Variants in DDX54 observed in about 807,000 individuals in gnomAD.
The protein encoded by DDX54 is DEAD-box helicase 54, also known as ATP-dependent RNA helicase DDX54.
In DDX54, 67 loss-of-function variants were observed where a neutral mutation model predicts 105.5. The observed-to-expected ratio is 0.64, with a 90% CI of 0.52 to 0.78. DDX54 has a LOEUF of 0.78. Ranked by LOEUF, DDX54 falls within the 30% of genes least tolerant of loss-of-function variation. The pLI, the probability that DDX54 is intolerant of heterozygous loss-of-function variation, is 0.00. For missense variants in DDX54, 1,206 were observed against 1,230.5 expected (o/e 0.98, Z 0.30); for synonymous variants, 514 against 509.9 (o/e 1.01, Z -0.11).
At chr12:113,182,720 C>A (rs1952480786) in intron 1 of DDX54, among the ~76,000 whole-genome samples, 1 of 151,760 alleles carries the variant, frequency 6.6e-6, no homozygotes, top group South Asian at 2.1e-4. Flanking sequence ...ACCAGCCCGG[C>A]TAATTTTTGT....
At position 113,185,296 on chromosome 12, in the gene DDX54, A is replaced by C; in HGVS notation, c.156T>G (p.Asp52Glu). ...EDGEFEIQAEDDARARKLGPG... is the reference protein window; with the variant it reads ...EDGEFEIQAEEDARARKLGPG... Reference sequence around the variant, plus strand: ...CGCCTACCTTCCGGGCCCGGGCGTCATCTTCCGCCTGGATCTCAAACTCGC... The same window carrying C: ...CGCCTACCTTCCGGGCCCGGGCGTCCTCTTCCGCCTGGATCTCAAACTCGC... The change falls in exon 1 of 20, where the codon GAT (aspartate) becomes GAG (glutamate). Residue 52 changes from aspartate to glutamate, a missense_variant. This residue lies in a region of DDX54 where 212 missense variants were observed against 155.4 expected (regional missense o/e 1.36). Coordinates refer to ENST00000306014, the MANE Select transcript of DDX54 (RefSeq NM_024072.4). The C allele has an allele frequency of 6.3e-7, 1 of 1,578,774 alleles. No individual in the cohort carries two copies. Among genetic ancestry groups the C allele is most frequent in the Non-Finnish European group, 8.6e-7 (1 of 1,164,898 alleles).
intron 11 of DDX54, among the ~76,000 whole-genome samples, chr12:113,171,011 G>A (rs1186885041): frequency 6.6e-6 from 1 of 152,214 alleles, no homozygotes; most frequent in Non-Finnish European, 1.5e-5. Flanking sequence ...AAAACAAGGT[G>A]TTATGACATT....
Position 113,177,070 on chromosome 12 carries a change from A to T in DDX54, c.638T>A (p.Leu213Gln). The change falls in exon 6 of 20, where the codon CTG (leucine) becomes CAG (glutamine). Residue 213 changes from leucine (L) to glutamine (Q), a missense_variant. Physicochemically the swap from Leu to Gln is moderately radical, Grantham distance 113 (BLOSUM62 -2). This residue lies in a region of DDX54 where 961 missense variants were observed against 1,019.1 expected (regional missense o/e 0.94). Transcript: ENST00000306014. ...GDRMEDQFAA[L>Q]HENPDIIIAT... ...AACTCACATGTCGGGATTTTCGTGC[A>T]GGGCTGCAAACTGGTCTTCCATCCT... is the stretch of plus-strand genomic sequence containing the variant. 1 of 1,614,118 alleles carries T rather than the reference A, an allele frequency of 6.2e-7. No individual in the cohort carries two copies. The highest frequency in any genetic ancestry group is 2.2e-5 in the East Asian group (1 of 44,888).
Position 113,183,873 on chromosome 12 carries a change from G to C in DDX54, c.174+1405C>G, listed in dbSNP as rs569492696. 2.0e-5 allele frequency: 3 copies of C among 150,726 alleles called. No homozygotes were observed. In the Admixed American group the frequency reaches 2.0e-4, roughly 10 times the overall value. The allele number at this position is 150,726 out of a possible 1,614,324, so 9.3% of individuals were successfully genotyped here. ...GTAGCCACAGCTCACTGTACTCTCC[G>C]CCGCCCAGGTTTAAGTGATCCTCCC... On this transcript the variant is annotated intron_variant, in intron 1 of 19. Coordinates refer to ENST00000306014, the MANE Select transcript of DDX54 (RefSeq NM_024072.4).
At position 113,164,125 on chromosome 12, in the gene DDX54, G is replaced by T. The variant is rs1216392416; in HGVS notation, c.1880C>A (p.Ala627Glu). 6.4e-7 allele frequency: 1 copy of T among 1,552,352 alleles called. No homozygotes were observed. ...CTTCTCAGGCTGCTTCTCCTGCAGT[G>T]CTGGGCGGCTCGGGGCTGGGCCCAC... The part of the protein sequence containing the change: ...GPVGPAPSRP[A>E]LQEKQPEKEE... Residue 627 changes from alanine to glutamate, a missense_variant, in exon 15 of 20, where the codon GCA becomes GAA. Physicochemically the swap from Ala to Glu is moderately radical, Grantham distance 107. This residue lies in a region of DDX54 where 961 missense variants were observed against 1,019.1 expected (regional missense o/e 0.94). Coordinates refer to ENST00000306014, the MANE Select transcript of DDX54 (RefSeq NM_024072.4).
chr12:113,178,942 G>T, intron 5 of DDX54, 35 bp downstream of exon 5: 2 of 1,612,258 alleles, frequency 1.2e-6, no homozygotes. Flanking sequence ...GTGCCTGCAT[G>T]GTGGTGACCC....
At chr12:113,159,655 T>C (rs1952181258) in intron 19 of DDX54, among the ~76,000 whole-genome samples, 1 of 151,992 alleles carries the variant, frequency 6.6e-6, no homozygotes, top group South Asian at 2.1e-4. Flanking sequence ...AAAAAGAGTG[T>C]AGATGAACCT....
chr12:113,172,669 C>A, intron 10 of DDX54, 106 bp from the exon 11 acceptor site: 1 of 1,391,616 alleles, frequency 7.2e-7, no homozygotes, highest in Admixed American at 2.0e-5. Context: ...GAGACAAGAC[C>A]ACGGGTTCTG....
At chr12:113,171,599 CAAA>C (rs56809579) in intron 11 of DDX54, among the ~76,000 whole-genome samples, 2 of 102,240 alleles carry the variant, frequency 2.0e-5, no homozygotes, top group Admixed American at 1.0e-4. Context: ...GCAAGACTCT[CAAA>C]AAAAAAAAAA....
chr12:113,185,258 TC>T lies in DDX54; in HGVS notation c.174+19del. The T allele has an allele frequency of 6.5e-7, 1 of 1,528,532 alleles. No homozygotes were observed. The allele number at this position is 1,528,532 out of a possible 1,614,324, so 94.7% of individuals were successfully genotyped here. ...GCCGGGTCTCGGGCCCGAACATGCG[TC>T]CCAGCCCCACGCGCCTACCTTCCGG... On this transcript the variant is annotated intron_variant, in intron 1 of 19. Transcript: ENST00000306014.
chr12:113,175,102 C>G lies in DDX54; in HGVS notation c.808G>C (p.Gly270Arg), dbSNP rs1017555686. 6.2e-7 allele frequency: 1 copy of G among 1,613,732 alleles called. No homozygotes were observed. ...GAGAACAGCACCGTCTGGTGGCCCCCGGGGAGGCGGGCGATGATCTCCTGC... is the reference window on the plus strand; with the variant it reads ...GAGAACAGCACCGTCTGGTGGCCCCGGGGGAGGCGGGCGATGATCTCCTGC... ...QLQEIIARLP[G>R]GHQTVLFSAT... The change falls in exon 8 of 20, where the codon GGG (glycine) becomes CGG (arginine). Residue 270 changes from glycine (G) to arginine (R), a missense_variant. Coordinates refer to ENST00000306014, the MANE Select transcript of DDX54 (RefSeq NM_024072.4).
At chr12:113,175,381 C>T (rs921553937) in intron 7 of DDX54, among the ~76,000 whole-genome samples, 29 of 152,242 alleles carry the variant, frequency 1.9e-4, no homozygotes, top group African/African-American at 7.0e-4. Context: ...AAATAAATGA[C>T]AGCAGCCCAG....
At position 113,180,997 on chromosome 12, in the gene DDX54, G is replaced by A. The variant is rs777776703; in HGVS notation, c.236C>T (p.Pro79Leu). The A allele has an allele frequency of 8.1e-6, 13 of 1,613,632 alleles. No individual in the cohort carries two copies. The East Asian group carries it at 8.9e-5, about 11-fold the overall frequency. Residue 79 changes from proline to leucine, a missense_variant, in exon 2 of 20, where the codon CCG becomes CTG. Around this residue, in one of 3 missense-constraint regions of DDX54, gnomAD observed 212 missense variants for 155.4 expected, o/e 1.36. Transcript: ENST00000306014. ...GGCACGCACCATCTCCCGGGTGTCC[G>A]GCTCCACATCCGAGGTGCATTCCGA... ...PTSECTSDVE[P>L]DTREMVRAQN...
chr12:113,165,764 G>A (rs761640738), intron 13 of DDX54, 38 bp downstream of exon 13: 3 of 1,603,034 alleles, frequency 1.9e-6, no homozygotes, highest in Middle Eastern at 1.7e-4. Context: ...GGGTCAGCAA[G>A]GCCCACCTGC....
chr12:113,162,401 T>C (rs1485563066), intron 17 of DDX54, among the ~76,000 whole-genome samples: 3 of 152,174 alleles, frequency 2.0e-5, no homozygotes, highest in East Asian at 1.9e-4. Flanking sequence ...GCAAAAAGAA[T>C]AGACGGGGTC....
rs954372161 is a variant in DDX54, at chr12:113,164,177, C to G, written c.1828G>C (p.Gly610Arg). ...AIARFQQGQQ[G>R]RQEQQEGPVG... is the part of the protein sequence containing the mutation. ...GGGCCCTCCTGCTGCTCCTGCCGCC[C>G]CTGCTGTCCCTGCTGGAAGCGGGCG... Residue 610 changes from glycine (G) to arginine (R), a missense_variant, in exon 15 of 20, where the codon GGG (glycine) becomes CGG (arginine). This residue lies in a region of DDX54 where 961 missense variants were observed against 1,019.1 expected (regional missense o/e 0.94). Transcript: ENST00000306014. 6 of 1,561,660 alleles carry G rather than the reference C, an allele frequency of 3.8e-6. No individual in the cohort carries two copies. The African/African-American group carries it at 6.8e-5, about 18-fold the overall frequency.
At chr12:113,179,093 C>A in intron 4 of DDX54, 50 bp downstream of exon 4, 1 of 1,612,918 alleles carries the variant, frequency 6.2e-7, no homozygotes, top group Non-Finnish European at 8.5e-7. Context: ...CCTCTGTGTC[C>A]GGTCCCAAGT....
chr12:113,171,301 C>T (rs1222711859), intron 11 of DDX54, among the ~76,000 whole-genome samples: 14 of 152,008 alleles, frequency 9.2e-5, no homozygotes, highest in African/African-American at 3.4e-4. Context: ...TTCAATTTTG[C>T]AAGATGGAAA....
intron 1 of DDX54, among the ~76,000 whole-genome samples, chr12:113,184,580 T>G: frequency 6.6e-6 from 1 of 152,036 alleles, no homozygotes; most frequent in East Asian, 1.9e-4. Context: ...ATCCCAACAC[T>G]TTGGGAAGCA....
Sources: allele counts gnomAD v4.1 joint callset (sites outside exome capture counted in the v4.1 genomes callset), GRCh38; gene constraint gnomAD v4.1.1; regional missense constraint gnomAD v4.1.1; transcripts MANE v1.5; gene names NCBI Gene and HGNC (gene_info 2026-07-23, HGNC 2026-07-21).